The following COL24A1 variants were observed in gnomAD, a reference collection of about 807,000 sequenced individuals.
COL24A1 encodes the protein collagen type XXIV alpha 1 chain.
Under a neutral mutation model 253.9 loss-of-function variants are expected in COL24A1, and 224 were observed. That is an observed-to-expected ratio of 0.88 (90% confidence interval 0.79 to 0.99). The LOEUF (loss-of-function observed/expected upper bound fraction) is 0.99, where lower values mean the gene tolerates loss of function less well. COL24A1 is among the 50% of genes least tolerant of loss of function. The pLI is 0.00. For synonymous variants in COL24A1, 685 were observed against 673.7 expected, an observed-to-expected ratio of 1.02 and a Z score of -0.26; for missense variants, 2,131 against 2,068.5, an observed-to-expected ratio of 1.03 and a Z score of -0.59.
chr1:85,843,657 C>T (rs986430067), intron 39 of COL24A1, among the ~76,000 whole-genome samples: 3 of 152,032 alleles, frequency 2.0e-5, no homozygotes, highest in Non-Finnish European at 4.4e-5. Flanking sequence ...ATTTCAAATG[C>T]TGAAATCAAG....
In COL24A1 at chr1:85,823,656, T is replaced by C. The variant is rs777964773; in HGVS notation, c.3735+29A>G. 31 of 1,613,344 alleles carry C rather than the reference T, an allele frequency of 1.9e-5. No individual in the cohort carries two copies. In the South Asian group the frequency reaches 3.1e-4, roughly 16 times the overall value. Reference sequence around the variant, plus strand: ...ACCAAATAAGTTATATTAATGTTAATTTTTAGAAATAATGCTTTCAAAACA... The same window carrying C: ...ACCAAATAAGTTATATTAATGTTAACTTTTAGAAATAATGCTTTCAAAACA... On this transcript the variant is annotated intron_variant, in intron 44 of 59. Transcript: ENST00000370571.
intron 33 of COL24A1, among the ~76,000 whole-genome samples, 159 bp downstream of exon 33, chr1:85,876,963 A>G (rs1039294995): frequency 1.3e-5 from 2 of 152,230 alleles, no homozygotes; most frequent in African/African-American, 4.8e-5. Flanking sequence ...TAGACATATA[A>G]TAATCATCTC....
Position 85,908,627 on chromosome 1 carries a change from G to T in COL24A1, c.2695C>A (p.Pro899Thr), listed in dbSNP as rs377314214. Residue 899 changes from proline (P) to threonine (T), a missense_variant, in exon 27 of 60, where the codon CCA (proline) becomes ACA (threonine). Pro to Thr is a conservative substitution (Grantham distance 38). Coordinates refer to ENST00000370571, the MANE Select transcript of COL24A1 (RefSeq NM_152890.7). ...VMGYPGPPGV[P>T]GPIGPLGLPG... ...AATCCCAATGGACCGATAGGTCCTGGAACCCCAGGAGGACCTGGATATCCC... is the reference window on the plus strand; with the variant it reads ...AATCCCAATGGACCGATAGGTCCTGTAACCCCAGGAGGACCTGGATATCCC... 21 of 1,466,310 alleles carry T rather than the reference G, an allele frequency of 1.4e-5. No homozygotes were observed. Among genetic ancestry groups the T allele is most frequent in the Non-Finnish European group, 1.8e-5 (20 of 1,094,912 alleles). The allele number at this position is 1,466,310 out of a possible 1,614,324, so 90.8% of individuals were successfully genotyped here.
At chr1:85,948,620 G>A (rs1027994350) in intron 24 of COL24A1, among the ~76,000 whole-genome samples, 2 of 149,742 alleles carry the variant, frequency 1.3e-5, no homozygotes, top group Non-Finnish European at 1.5e-5. Context: ...TCCTTAAGGA[G>A]AGCAATGTCA....
chr1:85,733,906 A>ATTT, intron 59 of COL24A1, among the ~76,000 whole-genome samples: 1 of 131,412 alleles, frequency 7.6e-6, no homozygotes, highest in Non-Finnish European at 1.6e-5. Context: ...ATTTAATTTA[A>ATTT]TTTTTTTTTT....
Position 85,860,292 on chromosome 1 carries a change from C to T in COL24A1, c.3300+8227G>A, listed in dbSNP as rs767158346. Among the ~76,000 whole-genome samples, 78 of 152,084 alleles carry T rather than the reference C, an allele frequency of 5.1e-4. 1 individual carries two copies. The highest frequency in any genetic ancestry group is 2.8e-4 in the Non-Finnish European group (19 of 68,026). ...ATTCACATAGTTGTGTAACCATCAC[C>T]AAAATCAATTTTAGAACATTTTCGT... On this transcript the variant is annotated intron_variant, in intron 37 of 59. Coordinates refer to ENST00000370571, the MANE Select transcript of COL24A1 (RefSeq NM_152890.7).
intron 47 of COL24A1, among the ~76,000 whole-genome samples, chr1:85,807,382 T>C (rs1672092168): frequency 1.3e-5 from 2 of 152,194 alleles, no homozygotes; most frequent in African/African-American, 4.8e-5. Flanking sequence ...TTCTCTGATA[T>C]AAATGGGAAC....
chr1:86,019,612 CAA>C (rs1463018302), intron 18 of COL24A1, among the ~76,000 whole-genome samples: 1 of 151,896 alleles, frequency 6.6e-6, no homozygotes, highest in African/African-American at 2.4e-5. Flanking sequence ...ATAAATACAA[CAA>C]GAGACAAAAT....
chr1:85,902,092 C>T (rs1256222255), intron 28 of COL24A1, among the ~76,000 whole-genome samples: 1 of 152,000 alleles, frequency 6.6e-6, no homozygotes, highest in Non-Finnish European at 1.5e-5. Flanking sequence ...TGAAATAACC[C>T]AGGCACAGAA....
intron 23 of COL24A1, among the ~76,000 whole-genome samples, chr1:85,964,203 T>G (rs924555560): frequency 5.9e-5 from 9 of 152,132 alleles, no homozygotes; most frequent in African/African-American, 2.2e-4. Context: ...TTGCAAAACT[T>G]ACCAATTCTT....
intron 2 of COL24A1, among the ~76,000 whole-genome samples, chr1:86,136,232 T>C (rs1464441360): frequency 1.3e-5 from 2 of 152,136 alleles, no homozygotes; most frequent in African/African-American, 2.4e-5. Context: ...TTATTTATTA[T>C]ACTTTCCCCT....
intron 2 of COL24A1, among the ~76,000 whole-genome samples, chr1:86,139,995 T>C (rs1309151342): frequency 6.6e-6 from 1 of 152,196 alleles, no homozygotes; most frequent in African/African-American, 2.4e-5. Flanking sequence ...TAAAGGAAAC[T>C]GTTTAAAATA....
intron 3 of COL24A1, among the ~76,000 whole-genome samples, chr1:86,121,437 A>G (rs1647329851): frequency 6.6e-6 from 1 of 152,148 alleles, no homozygotes; most frequent in Admixed American, 6.6e-5. Flanking sequence ...ATTACTCCAT[A>G]CAACAGATAA....
chr1:86,089,119 G>C, intron 7 of COL24A1, 55 bp downstream of exon 7: 1 of 1,366,000 alleles, frequency 7.3e-7, no homozygotes, highest in Non-Finnish European at 9.8e-7. Context: ...TGAAGAAAAA[G>C]ACAAAAAAAA....
Position 86,089,157 on chromosome 1 carries a change from G to T in COL24A1, c.1707+17C>A. ...AAAAAAGAAGAAAAAAAGAAAAGAAGTAAAATTCCAACTTACCTTATCACC... is the reference window on the plus strand; with the variant it reads ...AAAAAAGAAGAAAAAAAGAAAAGAATTAAAATTCCAACTTACCTTATCACC... On this transcript the variant is annotated intron_variant, in intron 7 of 59. Coordinates refer to ENST00000370571, the MANE Select transcript of COL24A1 (RefSeq NM_152890.7). 1 of 1,556,796 alleles carries T rather than the reference G, an allele frequency of 6.4e-7. No individual in the cohort carries two copies. Among genetic ancestry groups the T allele is most frequent in the Admixed American group, 2.2e-5 (1 of 44,448 alleles).
chr1:85,829,346 GC>G (rs1558290995), intron 43 of COL24A1, among the ~76,000 whole-genome samples: 3 of 151,412 alleles, frequency 2.0e-5, no homozygotes, highest in Non-Finnish European at 2.9e-5. Context: ...CTCTCTGGCT[GC>G]CCTTAACATT....
At chr1:85,856,811 C>A (rs1442667461) in intron 37 of COL24A1, among the ~76,000 whole-genome samples, 5 of 152,114 alleles carry the variant, frequency 3.3e-5, no homozygotes, top group Admixed American at 3.3e-4. Context: ...AGGCTGAATG[C>A]CTTAAAATAA....
intron 2 of COL24A1, among the ~76,000 whole-genome samples, chr1:86,135,282 A>T (rs187757908): frequency 2.6e-5 from 4 of 152,146 alleles, no homozygotes; most frequent in Admixed American, 2.6e-4. Context: ...CAGCACACTG[A>T]TGTGTCTTGA....
chr1:85,796,738 G>C (rs965363481), intron 47 of COL24A1, among the ~76,000 whole-genome samples: 6 of 152,140 alleles, frequency 3.9e-5, no homozygotes, highest in Non-Finnish European at 7.3e-5. Context: ...AATACATGCA[G>C]TGTACTATGC....
Sources: gnomAD v4.1 joint callset for allele counts (sites outside exome capture counted in the v4.1 genomes callset) on GRCh38, gnomAD v4.1.1 for gene constraint, MANE v1.5 for transcripts, NCBI Gene and HGNC (gene_info 2026-07-23, HGNC 2026-07-21) for gene names.